FREM1: variants seen among roughly 807,000 people sequenced by gnomAD.
FREM1 encodes the protein FRAS1-related extracellular matrix protein 1.
Under a neutral mutation model 210.1 loss-of-function variants are expected in FREM1, and 220 were observed. The ratio of observed to expected loss-of-function variants is 1.05; its 90% CI spans 0.94 to 1.17. FREM1 has a LOEUF of 1.17. Ranked by LOEUF, FREM1 falls within the 50% of genes most tolerant of loss-of-function variation. FREM1 has a pLI of 0.00. For missense variants in FREM1, 3,454 were observed against 2,675.5 expected, an observed-to-expected ratio of 1.29 and a Z score of -6.42; for synonymous variants, 1,189 against 980.2, an observed-to-expected ratio of 1.21 and a Z score of -3.98.
At chr9:14,828,639 G>GGA (rs1491273112) in intron 10 of FREM1, among the ~76,000 whole-genome samples, 2 of 104,774 alleles carry the variant, frequency 1.9e-5, no homozygotes, top group African/African-American at 8.5e-5. Flanking sequence ...AAATTGTGGC[G>GGA]GGGCGGGGGA....
In FREM1 at chr9:14,756,438, T is replaced by C. The variant is rs1437512861; in HGVS notation, c.5343A>G (p.Gln1781=). ...DSAFVGIKVN[Q]VSAAVGKDFT... ...AATCTTTTCCAACTGCAGCTGACAC[T>C]TGGTTGACCTTAGGAGGGAAAAAAA... Residue 1781 remains glutamine (Q), a synonymous_variant, in exon 29 of 37, where the codon CAA becomes CAG. Coordinates refer to ENST00000380880, the MANE Select transcript of FREM1 (RefSeq NM_001379081.2). 1.3e-6 allele frequency: 2 copies of C among 1,595,984 alleles called. No homozygotes were observed. The highest frequency in any genetic ancestry group is 2.3e-5 in the South Asian group (2 of 87,424).
chr9:14,893,607 A>C (rs1415439139), intron 1 of FREM1, among the ~76,000 whole-genome samples: 1 of 152,224 alleles, frequency 6.6e-6, no homozygotes. Flanking sequence ...CTTAAATGAA[A>C]TATTTTGCTA....
intron 13 of FREM1, 73 bp from the exon 14 acceptor site, chr9:14,819,515 C>T: frequency 2.4e-6 from 2 of 826,922 alleles, no homozygotes; most frequent in Non-Finnish European, 3.8e-6. Flanking sequence ...CATTACATCA[C>T]TGTAAAACTT....
At chr9:14,791,924 C>CCCG (rs1851415053) in intron 22 of FREM1, among the ~76,000 whole-genome samples, 1 of 152,040 alleles carries the variant, frequency 6.6e-6, no homozygotes, top group South Asian at 2.1e-4. Context: ...CCTCTCCCCC[C>CCCG]TCTCCCGGGT....
At chr9:14,797,383 A>G (rs1852625419) in intron 21 of FREM1, 115 bp downstream of exon 21, 9 of 738,292 alleles carry the variant, frequency 1.2e-5, no homozygotes, top group African/African-American at 1.8e-5. Context: ...GCAAGCTGTG[A>G]CAGGAGCTAG....
intron 35 of FREM1, among the ~76,000 whole-genome samples, chr9:14,745,845 C>T (rs1041941697): frequency 6.6e-6 from 1 of 152,168 alleles, no homozygotes; most frequent in African/African-American, 2.4e-5. Context: ...TTCTTTTACC[C>T]AGTGAGCCTT....
intron 10 of FREM1, among the ~76,000 whole-genome samples, chr9:14,838,043 G>A (rs1824951782): frequency 6.6e-6 from 1 of 152,166 alleles, no homozygotes; most frequent in Non-Finnish European, 1.5e-5. Flanking sequence ...TTGCCCCAGG[G>A]AGCACAGCTT....
chr9:14,825,547 G>GTGTGTGTA lies in FREM1; in HGVS notation c.1882-556_1882-555insTACACACA. 2.2e-3 allele frequency among the ~76,000 whole-genome samples: 166 copies of GTGTGTGTA among 75,878 alleles called. 4 individuals are homozygous for GTGTGTGTA. The highest frequency in any genetic ancestry group is 0.015 in the East Asian group (49 of 3,266). The allele number at this position is 75,878 out of a possible 152,430, so 49.8% of individuals were successfully genotyped here. ...CATATATATATATATGTGTGTGTGT[G>GTGTGTGTA]TATATATATATATATATATATATAC... On this transcript the variant is annotated intron_variant, in intron 10 of 36. Transcript: ENST00000380880.
intron 10 of FREM1, among the ~76,000 whole-genome samples, chr9:14,828,366 G>A (rs1014413874): frequency 2.0e-5 from 3 of 152,100 alleles, no homozygotes; most frequent in Non-Finnish European, 4.4e-5. Flanking sequence ...TCTCCCTCTT[G>A]GAAGAGGAAT....
At chr9:14,806,892 T>C in intron 17 of FREM1, 46 bp from the exon 18 acceptor site, 1 of 1,282,186 alleles carries the variant, frequency 7.8e-7, no homozygotes. Flanking sequence ...TGAAATCCTC[T>C]AAACAGACTG....
chr9:14,792,847 T>C lies in FREM1; in HGVS notation c.3877A>G (p.Ile1293Val), dbSNP rs762214863. ...GCTGAAAGAATAGCACTGGAAATAA[T>C]ACGAGTTTCACCCATATTCATTGCA... is the stretch of plus-strand genomic sequence containing the variant. Reference protein sequence around the residue: ...EIAMNMGETRIISSAILSAID... With the variant: ...EIAMNMGETRVISSAILSAID... Residue 1293 changes from isoleucine (I) to valine (V), a missense_variant, in exon 22 of 37, where the codon ATT (isoleucine) becomes GTT (valine). By Grantham distance (29) the Ile-to-Val change is conservative (BLOSUM62 3). Transcript: ENST00000380880. 1.3e-6 allele frequency: 2 copies of C among 1,596,382 alleles called. No individual in the cohort carries two copies. Among genetic ancestry groups the C allele is most frequent in the Non-Finnish European group, 1.7e-6 (2 of 1,169,928 alleles).
At chr9:14,771,114 C>T (rs1847489260) in intron 25 of FREM1, among the ~76,000 whole-genome samples, 2 of 152,096 alleles carry the variant, frequency 1.3e-5, no homozygotes, top group Admixed American at 1.3e-4. Flanking sequence ...CCATGGATTC[C>T]CTGCACTTGG....
rs779701347 is a variant in FREM1, at chr9:14,784,585, T to A, written c.4227A>T (p.Arg1409Ser). The change falls in exon 24 of 37, where the codon AGA (arginine) becomes AGT (serine). Residue 1409 changes from arginine (R) to serine (S), a missense_variant. Physicochemically the swap from Arg to Ser is moderately radical, Grantham distance 110. Transcript: ENST00000380880. ...GGAGCGTGGTGGTTGTTAAGAAACC[T>A]CTATCACCTTTAGACACCACGAGTG... ...TKPLVVSKGDRGFLTTTTLLA... is the reference protein window; with the variant it reads ...TKPLVVSKGDSGFLTTTTLLA... The A allele has an allele frequency of 6.2e-7, 1 of 1,609,590 alleles. No individual in the cohort carries two copies. Among genetic ancestry groups the A allele is most frequent in the South Asian group, 1.1e-5 (1 of 90,208 alleles).
Position 14,801,870 on chromosome 9 carries a change from C to G in FREM1, c.3476G>C (p.Cys1159Ser). 2.5e-6 allele frequency: 4 copies of G among 1,606,764 alleles called. No homozygotes were observed. Among genetic ancestry groups the G allele is most frequent in the Non-Finnish European group, 3.4e-6 (4 of 1,175,468 alleles). Residue 1159 changes from cysteine (C) to serine (S), a missense_variant, in exon 20 of 37, where the codon TGT (cysteine) becomes TCT (serine). By Grantham distance (112) the Cys-to-Ser change is moderately radical. Transcript: ENST00000380880. ...GTCCAGCTCTTTCATCTGACCCTCA[C>G]ACACCTGAGCAAGAACACATGAGAA... ...PDFVVQNITV[C>S]EGQMKELDSS...
chr9:14,783,981 T>G (rs1356639372), intron 24 of FREM1, among the ~76,000 whole-genome samples: 1 of 152,238 alleles, frequency 6.6e-6, no homozygotes, highest in East Asian at 1.9e-4. Flanking sequence ...TTTCCAGATC[T>G]ATCTTTAGCT....
At chr9:14,845,856 G>C (rs533022991) in intron 8 of FREM1, 104 bp downstream of exon 8, 3 of 1,167,926 alleles carry the variant, frequency 2.6e-6, no homozygotes, top group Non-Finnish European at 3.7e-6. Context: ...CAATTTCATT[G>C]AGAAATTGGG....
At chr9:14,785,115 C>T (rs1412280468) in intron 23 of FREM1, among the ~76,000 whole-genome samples, 6 of 152,210 alleles carry the variant, frequency 3.9e-5, no homozygotes, top group South Asian at 2.1e-4. Flanking sequence ...TGCCCTGCTA[C>T]GCTTGGAGAC....
At chr9:14,797,877 G>A (rs1002269236) in intron 20 of FREM1, among the ~76,000 whole-genome samples, 1 of 151,974 alleles carries the variant, frequency 6.6e-6, no homozygotes, top group African/African-American at 2.4e-5. Context: ...AAATCAGTTA[G>A]GAAAGAATAT....
At chr9:14,876,617 T>C (rs1389418959) in intron 1 of FREM1, among the ~76,000 whole-genome samples, 1 of 152,094 alleles carries the variant, frequency 6.6e-6, no homozygotes, top group Non-Finnish European at 1.5e-5. Flanking sequence ...AACTCCCTGA[T>C]CCCTTGCGCT....
Sources: gnomAD v4.1 joint callset for allele counts (sites outside exome capture counted in the v4.1 genomes callset) on GRCh38, gnomAD v4.1.1 for gene constraint, MANE v1.5 for transcripts, NCBI Gene and HGNC (gene_info 2026-07-23, HGNC 2026-07-21) for gene names.